The following DNAJC3 variants were observed in gnomAD, a reference collection of about 807,000 sequenced individuals.
DNAJC3 encodes the protein DnaJ heat shock protein family (Hsp40) member C3, also known as dnaJ homolog subfamily C member 3.
DNAJC3 carries 38 observed loss-of-function variants against 68.6 expected under a neutral mutation model. That is an observed-to-expected ratio of 0.55 (90% confidence interval 0.43 to 0.73). DNAJC3 has a LOEUF of 0.73. Among genes scored for constraint, DNAJC3 ranks in the 30% least tolerant of loss-of-function variants. The pLI, the probability that DNAJC3 is intolerant of heterozygous loss-of-function variation, is 0.00. For synonymous variants in DNAJC3, 203 were observed against 204.0 expected (o/e 1.00, Z 0.04); for missense variants, 526 against 591.9 (o/e 0.89, Z 1.16).
intron 4 of DNAJC3, among the ~76,000 whole-genome samples, chr13:95,748,836 C>CA (rs990887953): frequency 2.0e-5 from 3 of 151,926 alleles, no homozygotes; most frequent in African/African-American, 7.3e-5. Context: ...AACAAACAAA[C>CA]AAAAAAACCC....
At chr13:95,785,557 C>T (rs953744802) in intron 9 of DNAJC3, among the ~76,000 whole-genome samples, 2 of 137,216 alleles carry the variant, frequency 1.5e-5, no homozygotes, top group Admixed American at 8.0e-5. Flanking sequence ...CTCCCAAGTT[C>T]AAGCGGTTTT....
intron 4 of DNAJC3, among the ~76,000 whole-genome samples, chr13:95,752,595 C>T (rs1278829255): frequency 1.3e-5 from 2 of 152,192 alleles, no homozygotes; most frequent in African/African-American, 2.4e-5. Flanking sequence ...CAAAACTCCA[C>T]TCGCGATTAT....
intron 4 of DNAJC3, among the ~76,000 whole-genome samples, chr13:95,731,974 A>G (rs1195351182): frequency 1.4e-5 from 2 of 144,732 alleles, no homozygotes; most frequent in Non-Finnish European, 3.0e-5. Flanking sequence ...TCCTGGGCTT[A>G]AGAGATCCTT....
At chr13:95,753,020 G>T (rs1344732047) in intron 4 of DNAJC3, among the ~76,000 whole-genome samples, 2 of 152,112 alleles carry the variant, frequency 1.3e-5, no homozygotes, top group African/African-American at 4.8e-5. Flanking sequence ...GCCCTTTGAG[G>T]TCTCTTGTGT....
chr13:95,778,997 T>G (rs925650965), intron 9 of DNAJC3, among the ~76,000 whole-genome samples: 3 of 152,182 alleles, frequency 2.0e-5, no homozygotes, highest in Admixed American at 6.5e-5. Context: ...ATTTCTGTGT[T>G]TGTTTGCCTG....
In DNAJC3 at chr13:95,706,683, A is replaced by G. The variant is rs138275220; in HGVS notation, c.83-2544A>G. Among the ~76,000 whole-genome samples the G allele has an allele frequency of 2.8e-3, 424 of 152,240 alleles. 4 individuals carry two copies. The highest frequency in any genetic ancestry group is 9.8e-3 in the African/African-American group (407 of 41,530). ...TCATCTCCTCAGACAAGGGGGGAAA[A>G]CTACTTCTGGTAAGGGAGACTCAGA... On this transcript the variant is annotated intron_variant, in intron 1 of 11. Coordinates refer to ENST00000602402, the MANE Select transcript of DNAJC3 (RefSeq NM_006260.5).
At chr13:95,769,026 TATCTA>T (rs1342616917) in intron 9 of DNAJC3, among the ~76,000 whole-genome samples, 4 of 144,512 alleles carry the variant, frequency 2.8e-5, no homozygotes, top group East Asian at 2.1e-4. Flanking sequence ...TCTATATCTA[TATCTA>T]ATCTATATCT....
intron 4 of DNAJC3, among the ~76,000 whole-genome samples, chr13:95,753,080 A>G (rs1040339310): frequency 4.6e-5 from 7 of 151,966 alleles, no homozygotes; most frequent in East Asian, 1.9e-4. Flanking sequence ...CCATTCGTCC[A>G]TCCTCCTTCT....
rs1384796119 is a variant in DNAJC3, at chr13:95,690,229, C to T, written c.82+12892C>T. Reference sequence around the variant, plus strand: ...CTTCAAGCATCTGTTTAACAAAGCACATCTTGCACCGCCCCTAATCCATTC... The same window carrying T: ...CTTCAAGCATCTGTTTAACAAAGCATATCTTGCACCGCCCCTAATCCATTC... On this transcript the variant is annotated intron_variant, in intron 1 of 11. Coordinates refer to ENST00000602402, the MANE Select transcript of DNAJC3 (RefSeq NM_006260.5). 1.1e-4 allele frequency among the ~76,000 whole-genome samples: 17 copies of T among 152,174 alleles called. No individual in the cohort carries two copies. In the East Asian group the frequency reaches 2.7e-3, roughly 24 times the overall value.
intron 3 of DNAJC3, 85 bp from the exon 4 acceptor site, chr13:95,725,093 G>C (rs1381904905): frequency 1.2e-6 from 1 of 833,384 alleles, no homozygotes; most frequent in East Asian, 3.1e-5. Flanking sequence ...TTAATAATTT[G>C]TTTATTTAGT....
chr13:95,727,843 A>G (rs907003487), intron 4 of DNAJC3, among the ~76,000 whole-genome samples: 1 of 152,160 alleles, frequency 6.6e-6, no homozygotes, highest in Non-Finnish European at 1.5e-5. Flanking sequence ...CTGACTTGGT[A>G]TTCTGTTACC....
intron 9 of DNAJC3, among the ~76,000 whole-genome samples, chr13:95,777,523 A>C (rs936582500): frequency 6.6e-6 from 1 of 152,196 alleles, no homozygotes; most frequent in African/African-American, 2.4e-5. Flanking sequence ...CATTAGCTAT[A>C]ATTTTTTCTC....
intron 1 of DNAJC3, among the ~76,000 whole-genome samples, chr13:95,705,466 G>A (rs979310645): frequency 3.3e-5 from 5 of 151,078 alleles, no homozygotes; most frequent in Admixed American, 3.3e-4. Flanking sequence ...CAAGAATTTT[G>A]AAAACCTTGT....
chr13:95,717,852 C>G (rs1218258842), intron 2 of DNAJC3, among the ~76,000 whole-genome samples: 1 of 152,178 alleles, frequency 6.6e-6, no homozygotes. Flanking sequence ...AATACCCAGT[C>G]TTGGGTATGT....
rs371915157 is a variant in DNAJC3 at position 95,785,793 on chromosome 13, C to A, written c.1076-146C>A. On this transcript the variant is annotated intron_variant, in intron 9 of 11. Transcript: ENST00000602402. ...AAATATTCTTGATCAAAGTTACTAA[C>A]GGGGTATCACTTAAGGTTTTTGGCA... 11 of 592,230 alleles carry A rather than the reference C, an allele frequency of 1.9e-5. No individual in the cohort carries two copies. In the South Asian group the frequency reaches 3.7e-4, roughly 20 times the overall value. The allele number at this position is 592,230 out of a possible 1,614,324, so 36.7% of individuals were successfully genotyped here.
Position 95,763,681 on chromosome 13 carries a change from A to G in DNAJC3, c.887A>G (p.Lys296Arg). The G allele has an allele frequency of 1.9e-6, 3 of 1,613,994 alleles. No homozygotes were observed. Among genetic ancestry groups the G allele is most frequent in the Non-Finnish European group, 2.5e-6 (3 of 1,179,908 alleles). The change falls in exon 8 of 12, where the codon AAA becomes AGA. Residue 296 changes from lysine (K) to arginine (R), a missense_variant. Lys to Arg is a conservative substitution (Grantham distance 26, BLOSUM62 2). Coordinates refer to ENST00000602402, the MANE Select transcript of DNAJC3 (RefSeq NM_006260.5). Reference protein sequence around the residue: ...DATSKYESVMKTEPSIAEYTV... With the variant: ...DATSKYESVMRTEPSIAEYTV... The stretch of plus-strand genomic sequence containing the variant: ...ACCAGCAAATATGAATCTGTCATGA[A>G]AACAGAGCCAAGCATTGCTGAATAT...
intron 9 of DNAJC3, among the ~76,000 whole-genome samples, chr13:95,778,369 T>C (rs1883344580): frequency 1.3e-5 from 2 of 152,186 alleles, no homozygotes; most frequent in African/African-American, 4.8e-5. Context: ...GGCAACATGC[T>C]CAGGTGAGTT....
intron 4 of DNAJC3, among the ~76,000 whole-genome samples, chr13:95,733,939 C>G (rs528154886): frequency 6.6e-6 from 1 of 152,172 alleles, no homozygotes; most frequent in African/African-American, 2.4e-5. Context: ...AAAATTTAAT[C>G]TGTTTAAATA....
chr13:95,794,600 GATT>G lies in DNAJC3; in HGVS notation c.*3574_*3576del, dbSNP rs1883904634. ...AATTTCAAATGACGTTAAGAGGTGG[GATT>G]ATTTGGGGGTTTTTTTTGTTTGTTT... On this transcript the variant is annotated 3_prime_UTR_variant, in exon 12 of 12. Coordinates refer to ENST00000602402, the MANE Select transcript of DNAJC3 (RefSeq NM_006260.5). 1 of 152,216 alleles carries G rather than the reference GATT, an allele frequency of 6.6e-6. No homozygotes were observed. The highest frequency in any genetic ancestry group is 6.5e-5 in the Admixed American group (1 of 15,290). The allele number at this position is 152,216 out of a possible 1,614,324, so 9.4% of individuals were successfully genotyped here.
Sources: gnomAD v4.1 joint callset for allele counts (sites outside exome capture counted in the v4.1 genomes callset) on GRCh38, gnomAD v4.1.1 for gene constraint, MANE v1.5 for transcripts, NCBI Gene and HGNC (gene_info 2026-07-23, HGNC 2026-07-21) for gene names.